KANSL1: variants seen among roughly 807,000 people sequenced by gnomAD.
The protein encoded by KANSL1 is MLL1/MLL complex subunit KANSL1.
KANSL1 carries 22 observed loss-of-function variants against 103.6 expected under a neutral mutation model. The ratio of observed to expected loss-of-function variants is 0.21; its 90% CI spans 0.15 to 0.30. The LOEUF (loss-of-function observed/expected upper bound fraction) is 0.30, where lower values mean the gene tolerates loss of function less well. Ranked by LOEUF, KANSL1 falls within the 10% of genes least tolerant of loss-of-function variation. The pLI is 1.00. For synonymous variants in KANSL1, 600 were observed against 527.6 expected (o/e 1.14, Z -1.88); for missense variants, 1,337 against 1,399.8 (o/e 0.96, Z 0.72).
rs2076986822 is a variant in KANSL1 at position 46,030,796 on chromosome 17, G to A, written c.*680C>T. ...AGGGAAGGGTACCAAGGGGCATGAGGAGGGGAACCTGAGCAGCCACAGCCA... is the reference window on the plus strand; with the variant it reads ...AGGGAAGGGTACCAAGGGGCATGAGAAGGGGAACCTGAGCAGCCACAGCCA... On this transcript the variant is annotated 3_prime_UTR_variant, in exon 15 of 15. Transcript: ENST00000432791. The A allele has an allele frequency of 6.6e-6, 1 of 152,574 alleles. No homozygotes were observed. The highest frequency in any genetic ancestry group is 1.9e-4 in the East Asian group (1 of 5,192). The allele number at this position is 152,574 out of a possible 1,614,324, so 9.5% of individuals were successfully genotyped here. A position where few individuals can be genotyped will look rare whatever the true frequency, so the allele number is the denominator to read the frequency against.
chr17:46,118,927 T>C (rs1398846167), intron 2 of KANSL1, among the ~76,000 whole-genome samples: 1 of 152,250 alleles, frequency 6.6e-6, no homozygotes, highest in African/African-American at 2.4e-5. Flanking sequence ...TCTCAAGGTT[T>C]AATGACCTCT....
At chr17:46,060,436 GT>G (rs1360164383) in intron 6 of KANSL1, among the ~76,000 whole-genome samples, 2 of 152,114 alleles carry the variant, frequency 1.3e-5, no homozygotes, top group Non-Finnish European at 2.9e-5. Context: ...TTTTGTATGT[GT>G]TTTATAATGT....
At chr17:46,221,591 C>T (rs2048534605) in intron 1 of KANSL1, 1 of 147,950 alleles carries the variant, frequency 6.8e-6, no homozygotes, top group East Asian at 1.9e-4. Flanking sequence ...AGTTATTCTT[C>T]CTTGTTACTT....
intron 1 of KANSL1, among the ~76,000 whole-genome samples, chr17:46,189,563 T>C (rs1221556063): frequency 6.6e-6 from 1 of 152,204 alleles, no homozygotes; most frequent in Non-Finnish European, 1.5e-5. Context: ...GTGGATTAGT[T>C]TGGTGTTTTA....
chr17:46,101,392 A>C lies in KANSL1; in HGVS notation c.1290-6691T>G, dbSNP rs1437162408. ...AATAAGAACAACATCTGCTTCACAA[A>C]GTTGTGATAGCCATACAATGATGTA... On this transcript the variant is annotated intron_variant, in intron 2 of 14. Transcript: ENST00000432791. Among the ~76,000 whole-genome samples, 5 of 152,354 alleles carry C rather than the reference A, an allele frequency of 3.3e-5. No individual in the cohort carries two copies. The East Asian group carries it at 9.6e-4, about 29-fold the overall frequency.
At chr17:46,214,816 CACTA>C (rs2048290122) in intron 1 of KANSL1, among the ~76,000 whole-genome samples, 1 of 152,266 alleles carries the variant, frequency 6.6e-6, no homozygotes, top group Non-Finnish European at 1.5e-5. Flanking sequence ...CATGCACACA[CACTA>C]ACAGTTTCAG....
intron 2 of KANSL1, among the ~76,000 whole-genome samples, chr17:46,117,475 A>G (rs768941789): frequency 6.6e-6 from 1 of 152,254 alleles, no homozygotes; most frequent in African/African-American, 2.4e-5. Context: ...TGTATGCAGT[A>G]AGCATTCAAT....
At chr17:46,170,082 C>T (rs2046202362) in intron 2 of KANSL1, among the ~76,000 whole-genome samples, 1 of 152,144 alleles carries the variant, frequency 6.6e-6, no homozygotes, top group South Asian at 2.1e-4. Flanking sequence ...CCAGAGGCTT[C>T]AGTGAGCTGA....
intron 1 of KANSL1, among the ~76,000 whole-genome samples, chr17:46,206,047 A>G (rs565287034): frequency 1.2e-4 from 18 of 149,098 alleles, no homozygotes; most frequent in Admixed American, 2.1e-4. Flanking sequence ...ACTGTACTTC[A>G]CTGCAGCCTG....
At position 46,172,171 on chromosome 17, in the gene KANSL1, C is replaced by T. The variant is rs756063603; in HGVS notation, c.-28G>A. The T allele has an allele frequency of 2.5e-6, 4 of 1,592,528 alleles. No individual in the cohort carries two copies. The highest frequency in any genetic ancestry group is 8.5e-7 in the Non-Finnish European group (1 of 1,175,922). On this transcript the variant is annotated 5_prime_UTR_variant, in exon 2 of 15. Transcript: ENST00000432791. ...AGCACAGAGAGACAGGAAGTCCAGC[C>T]TCTCCCGATGCCGAGGCCGAGGCCA...
intron 6 of KANSL1, 77 bp from the exon 7 acceptor site, chr17:46,050,781 T>C: frequency 7.3e-7 from 1 of 1,369,700 alleles, no homozygotes. Flanking sequence ...TCCCCATTTG[T>C]TATTGAGAAG....
chr17:46,131,792 C>G, intron 2 of KANSL1, among the ~76,000 whole-genome samples: 1 of 152,178 alleles, frequency 6.6e-6, no homozygotes. Context: ...ACATAGATAG[C>G]AACACCACCA....
chr17:46,047,146 A>G (rs2077540845), intron 7 of KANSL1, among the ~76,000 whole-genome samples: 1 of 152,204 alleles, frequency 6.6e-6, no homozygotes, highest in South Asian at 2.1e-4. Context: ...ATATTACACC[A>G]CATCCTTATC....
At chr17:46,127,310 A>T (rs1443597609) in intron 2 of KANSL1, among the ~76,000 whole-genome samples, 6 of 152,252 alleles carry the variant, frequency 3.9e-5, no homozygotes, top group Non-Finnish European at 8.8e-5. Flanking sequence ...TCAAACTGAA[A>T]GGGAAAAAAA....
chr17:46,121,136 GACACC>G (rs1192822328), intron 2 of KANSL1, among the ~76,000 whole-genome samples: 7 of 151,096 alleles, frequency 4.6e-5, no homozygotes, highest in African/African-American at 1.7e-4. Context: ...TGGAACCCAA[GACACC>G]ATTCTCTCAC....
At chr17:46,090,431 T>G (rs2079337890) in intron 3 of KANSL1, among the ~76,000 whole-genome samples, 1 of 152,254 alleles carries the variant, frequency 6.6e-6, no homozygotes. Context: ...GCTGTGAATT[T>G]TCTTGATGCA....
At chr17:46,198,582 A>C (rs2047693485), upstream of KANSL1, among the ~76,000 whole-genome samples, 1 of 152,178 alleles carries the variant, frequency 6.6e-6, no homozygotes, top group African/African-American at 2.4e-5. Flanking sequence ...AAATACAAAA[A>C]TTAGCCTGGC....
chr17:46,031,903 A>T, intron 14 of KANSL1, 144 bp downstream of exon 14: 1 of 1,210,266 alleles, frequency 8.3e-7, no homozygotes, highest in Non-Finnish European at 1.2e-6. Flanking sequence ...AGTTCCACTG[A>T]ACGTTGAGGA....
intron 2 of KANSL1, 158 bp downstream of exon 2, chr17:46,170,697 G>A: frequency 3.9e-6 from 3 of 764,486 alleles, no homozygotes; most frequent in Non-Finnish European, 6.2e-6. Context: ...TTCTTCACTA[G>A]CATGTATATG....
Sources: allele counts gnomAD v4.1 joint callset (sites outside exome capture counted in the v4.1 genomes callset), GRCh38; gene constraint gnomAD v4.1.1; transcripts MANE v1.5; gene names NCBI Gene and HGNC (gene_info 2026-07-23, HGNC 2026-07-21).